The following TPST2 variants were observed in gnomAD, a reference collection of about 807,000 sequenced individuals.
TPST2 encodes the protein protein-tyrosine sulfotransferase 2.
A neutral mutation model predicts 27.8 loss-of-function variants in TPST2; 16 were observed. The observed-to-expected ratio is 0.58, with a 90% CI of 0.39 to 0.88. The LOEUF is 0.88. Ranked by LOEUF, TPST2 falls within the 40% of genes least tolerant of loss-of-function variation. TPST2 has a pLI of 0.00. For missense variants in TPST2, 464 were observed against 543.1 expected, an observed-to-expected ratio of 0.85 and a Z score of 1.45; for synonymous variants, 229 against 231.7, an observed-to-expected ratio of 0.99 and a Z score of 0.10.
chr22:26,528,774 G>A (rs1924981852), intron 5 of TPST2, among the ~76,000 whole-genome samples: 1 of 152,164 alleles, frequency 6.6e-6, no homozygotes, highest in South Asian at 2.1e-4. Flanking sequence ...CCTGAGGTCA[G>A]GAGTTTGAGA....
At chr22:26,578,734 A>G (rs1278518097) in intron 1 of TPST2, among the ~76,000 whole-genome samples, 1 of 152,140 alleles carries the variant, frequency 6.6e-6, no homozygotes, top group Admixed American at 6.5e-5. Context: ...TGAGGCATGG[A>G]AGACCCAGAC....
intron 5 of TPST2, 111 bp downstream of exon 5, chr22:26,532,584 A>G: frequency 8.2e-7 from 1 of 1,221,856 alleles, no homozygotes; most frequent in South Asian, 1.4e-5. Flanking sequence ...CCCTTTTTAT[A>G]ATGGGAAAAC....
At chr22:26,534,404 T>G (rs1925336659) in intron 4 of TPST2, among the ~76,000 whole-genome samples, 1 of 152,066 alleles carries the variant, frequency 6.6e-6, no homozygotes, top group African/African-American at 2.4e-5. Context: ...AGGGAAGAAA[T>G]CTCTTTGGAT....
chr22:26,574,817 GC>G (rs1241361645), intron 1 of TPST2, among the ~76,000 whole-genome samples: 1 of 152,082 alleles, frequency 6.6e-6, no homozygotes, highest in East Asian at 1.9e-4. Context: ...CACAACTCCA[GC>G]CCCGCCAGGG....
At chr22:26,537,663 G>A (rs1925544363) in intron 3 of TPST2, among the ~76,000 whole-genome samples, 1 of 152,092 alleles carries the variant, frequency 6.6e-6, no homozygotes, top group Non-Finnish European at 1.5e-5. Flanking sequence ...ATGTTGGCCA[G>A]GCTGGTCTCG....
Position 26,578,250 on chromosome 22 carries a change from G to A in TPST2, c.-161+11803C>T, listed in dbSNP as rs537105108. Among the ~76,000 whole-genome samples the A allele has an allele frequency of 3.9e-5, 6 of 152,280 alleles. No homozygotes were observed. The East Asian group carries it at 5.8e-4, about 15-fold the overall frequency. Reference sequence around the variant, plus strand: ...AGCCAAGGCACAGAAAGGTGAAGTCGTTGCCTGAGATCTCACAGCAGGTTT... The same window carrying A: ...AGCCAAGGCACAGAAAGGTGAAGTCATTGCCTGAGATCTCACAGCAGGTTT... On this transcript the variant is annotated intron_variant, in intron 1 of 6. Coordinates refer to ENST00000338754, the MANE Select transcript of TPST2 (RefSeq NM_003595.5).
intron 1 of TPST2, among the ~76,000 whole-genome samples, chr22:26,567,120 T>A (rs1927413790): frequency 6.6e-6 from 1 of 152,176 alleles, no homozygotes; most frequent in Admixed American, 6.5e-5. Context: ...GGGGTGAGAC[T>A]AAGCCGATTC....
intron 1 of TPST2, among the ~76,000 whole-genome samples, chr22:26,561,425 CTTG>C (rs766768494): frequency 3.9e-5 from 6 of 152,118 alleles, no homozygotes; most frequent in Non-Finnish European, 7.3e-5. Flanking sequence ...AAAGCGGGTT[CTTG>C]TTGGTGCACA....
At chr22:26,584,862 C>T (rs1278578773) in intron 1 of TPST2, among the ~76,000 whole-genome samples, 1 of 152,168 alleles carries the variant, frequency 6.6e-6, no homozygotes, top group Non-Finnish European at 1.5e-5. Context: ...GTGTCTGGCA[C>T]CCAGTAAGCC....
intron 4 of TPST2, among the ~76,000 whole-genome samples, chr22:26,535,098 G>A (rs1332317182): frequency 1.3e-5 from 2 of 152,234 alleles, no homozygotes; most frequent in East Asian, 3.8e-4. Flanking sequence ...CTTTGTTAAA[G>A]AGAGATCAGT....
At chr22:26,585,052 G>A (rs1928288017) in intron 1 of TPST2, among the ~76,000 whole-genome samples, 1 of 152,214 alleles carries the variant, frequency 6.6e-6, no homozygotes, top group Admixed American at 6.5e-5. Flanking sequence ...CTGGAAGATA[G>A]GTCCTACTTA....
At chr22:26,569,141 G>A (rs1927499004) in intron 1 of TPST2, among the ~76,000 whole-genome samples, 1 of 152,134 alleles carries the variant, frequency 6.6e-6, no homozygotes, top group South Asian at 2.1e-4. Context: ...GGGATTACAG[G>A]TGTGAGCCAC....
chr22:26,541,453 C>A lies in TPST2; in HGVS notation c.178G>T (p.Val60Leu). The A allele has an allele frequency of 6.2e-7, 1 of 1,606,018 alleles. No homozygotes were observed. Among genetic ancestry groups the A allele is most frequent in the Non-Finnish European group, 8.5e-7 (1 of 1,176,220 alleles). The change falls in exon 3 of 7, where the codon GTG becomes TTG. Residue 60 changes from valine (V) to leucine (L), a missense_variant. Coordinates refer to ENST00000338754, the MANE Select transcript of TPST2 (RefSeq NM_003595.5). The surrounding 1 kb of genome is among the most constrained non-coding windows in gnomAD (Gnocchi z 5.9). ...EELVMVGTNH[V>L]EYRYGKAMPL... is the part of the protein sequence containing the mutation. The stretch of plus-strand genomic sequence containing the variant: ...ATGGCCTTGCCATAGCGGTATTCCA[C>A]GTGGTTGGTGCCCACCATCACCAGC...
At chr22:26,548,816 TA>T (rs1341995047) in intron 1 of TPST2, among the ~76,000 whole-genome samples, 1 of 141,558 alleles carries the variant, frequency 7.1e-6, no homozygotes, top group Non-Finnish European at 1.6e-5. Flanking sequence ...AATTTTTTTT[TA>T]ATTAGCCAGG....
intron 1 of TPST2, among the ~76,000 whole-genome samples, chr22:26,558,166 C>CACAT (rs1555932663): frequency 5.6e-5 from 8 of 143,662 alleles, no homozygotes; most frequent in Non-Finnish European, 1.2e-4. Context: ...CACACACACA[C>CACAT]ATATATATGT....
At chr22:26,575,167 A>G (rs1006239160) in intron 1 of TPST2, among the ~76,000 whole-genome samples, 2 of 152,256 alleles carry the variant, frequency 1.3e-5, no homozygotes, top group Non-Finnish European at 2.9e-5. Context: ...CATCTGGAAA[A>G]TGGGGATAAC....
chr22:26,554,172 G>A (rs543613196), intron 1 of TPST2, among the ~76,000 whole-genome samples: 12 of 152,192 alleles, frequency 7.9e-5, no homozygotes, highest in African/African-American at 2.2e-4. Flanking sequence ...ATCTGATGCC[G>A]GAACCCAAGC....
Position 26,553,628 on chromosome 22 carries a change from GA to G in TPST2, c.-160-8954del, listed in dbSNP as rs199946341. On this transcript the variant is annotated intron_variant, in intron 1 of 6. Transcript: ENST00000338754. ...CCACCTCAGCCTCCCAAAGTGCTAG[GA>G]TTATAGGCATGAGCTACTGCACCTG... Among the ~76,000 whole-genome samples, 72 of 152,200 alleles carry G rather than the reference GA, an allele frequency of 4.7e-4. 3 individuals carry two copies. In the East Asian group the frequency reaches 0.012, roughly 25 times the overall value.
intron 1 of TPST2, among the ~76,000 whole-genome samples, chr22:26,589,310 C>T (rs1363775234): frequency 6.6e-6 from 1 of 152,146 alleles, no homozygotes; most frequent in Non-Finnish European, 1.5e-5. Context: ...AGACCTCGAC[C>T]TCTGTCCCAT....
Sources: allele counts gnomAD v4.1 joint callset (sites outside exome capture counted in the v4.1 genomes callset), GRCh38; gene constraint gnomAD v4.1.1; non-coding constraint Gnocchi (gnomAD v3.1); transcripts MANE v1.5; gene names NCBI Gene and HGNC (gene_info 2026-07-23, HGNC 2026-07-21).